CNTN4: variants seen among roughly 807,000 people sequenced by gnomAD.
The protein encoded by CNTN4 is contactin 4, also known as contactin-4.
In CNTN4, 77 loss-of-function variants were observed where a neutral mutation model predicts 122.5. The ratio of observed to expected loss-of-function variants is 0.63; its 90% CI spans 0.52 to 0.76. The LOEUF (loss-of-function observed/expected upper bound fraction) is 0.76. Ranked by LOEUF, CNTN4 falls within the 30% of genes least tolerant of loss-of-function variation. CNTN4 has a pLI of 0.00. For synonymous variants in CNTN4, 512 were observed against 447.0 expected (o/e 1.15, Z -1.83); for missense variants, 1,256 against 1,259.1 (o/e 1.00, Z 0.04).
chr3:2,311,582 CTG>C (rs2042918597), intron 2 of CNTN4, among the ~76,000 whole-genome samples: 1 of 152,006 alleles, frequency 6.6e-6, no homozygotes, highest in African/African-American at 2.4e-5. Flanking sequence ...AGCTGTGCAC[CTG>C]TGAGAACAAA....
intron 2 of CNTN4, among the ~76,000 whole-genome samples, chr3:2,279,978 G>T (rs1575249977): frequency 6.8e-6 from 1 of 147,106 alleles, no homozygotes; most frequent in Non-Finnish European, 1.5e-5. Flanking sequence ...TATAGAGAGA[G>T]AGATAGATAT....
intron 4 of CNTN4, among the ~76,000 whole-genome samples, chr3:2,627,577 T>G (rs900579425): frequency 2.8e-4 from 41 of 145,554 alleles, no homozygotes; most frequent in African/African-American, 8.4e-4. Context: ...CACTGCAAGC[T>G]CCGCCTCCTG....
chr3:2,217,681 A>AC (rs1468492283), intron 2 of CNTN4, among the ~76,000 whole-genome samples: 2 of 81,254 alleles, frequency 2.5e-5, no homozygotes, highest in Non-Finnish European at 5.8e-5. Context: ...AAAGCATTAT[A>AC]AAGAGAGAGA....
intron 4 of CNTN4, among the ~76,000 whole-genome samples, chr3:2,574,919 A>C (rs897456718): frequency 3.3e-5 from 5 of 152,086 alleles, no homozygotes; most frequent in Admixed American, 3.3e-4. Context: ...TTGGTTTTAA[A>C]AGTAAAAATA....
At chr3:3,001,505 C>G (rs1228823115) in intron 14 of CNTN4, among the ~76,000 whole-genome samples, 1 of 152,108 alleles carries the variant, frequency 6.6e-6, no homozygotes, top group East Asian at 1.9e-4. Context: ...TGACTTGAAC[C>G]CACAGACTTG....
At chr3:3,051,711 T>C (rs1394372539) in intron 23 of CNTN4, among the ~76,000 whole-genome samples, 1 of 152,194 alleles carries the variant, frequency 6.6e-6, no homozygotes, top group Non-Finnish European at 1.5e-5. Context: ...TTAAGGAAAT[T>C]GTGTTTTCCA....
chr3:2,890,425 C>T (rs1445732306), intron 10 of CNTN4, among the ~76,000 whole-genome samples: 1 of 152,142 alleles, frequency 6.6e-6, no homozygotes, highest in Non-Finnish European at 1.5e-5. Flanking sequence ...AACATTCTGT[C>T]TTTGTTGACA....
intron 3 of CNTN4, among the ~76,000 whole-genome samples, chr3:2,364,029 T>G (rs76868970): frequency 0.013 from 2,044 of 152,212 alleles, 56 homozygotes; most frequent in African/African-American, 0.047. Flanking sequence ...GTTTCACCCA[T>G]CTGAGAGCTA....
At chr3:2,306,987 A>C (rs1421417113) in intron 2 of CNTN4, among the ~76,000 whole-genome samples, 1 of 152,136 alleles carries the variant, frequency 6.6e-6, no homozygotes, top group Non-Finnish European at 1.5e-5. Context: ...TTTTGCTTGA[A>C]CTTGTTTATT....
intron 4 of CNTN4, among the ~76,000 whole-genome samples, chr3:2,575,740 T>C (rs1311128866): frequency 6.6e-6 from 1 of 152,098 alleles, no homozygotes; most frequent in African/African-American, 2.4e-5. Context: ...CTATGCTTTT[T>C]ATTGCTTGAT....
At chr3:3,016,622 C>A (rs1246277942) in intron 14 of CNTN4, among the ~76,000 whole-genome samples, 1 of 152,096 alleles carries the variant, frequency 6.6e-6, no homozygotes, top group Admixed American at 6.6e-5. Context: ...GGGAGGCAAC[C>A]AAGAGCATTC....
chr3:2,949,128 T>G (rs2094709830), intron 13 of CNTN4, among the ~76,000 whole-genome samples: 2 of 152,138 alleles, frequency 1.3e-5, no homozygotes, highest in Admixed American at 1.3e-4. Flanking sequence ...AGCTCTTTTT[T>G]GCCTCAGGGC....
At chr3:2,573,043 T>G (rs774819770) in intron 4 of CNTN4, among the ~76,000 whole-genome samples, 2 of 152,156 alleles carry the variant, frequency 1.3e-5, no homozygotes, top group African/African-American at 2.4e-5. Context: ...GACTGAAGCA[T>G]CAGGAAGTTA....
intron 2 of CNTN4, among the ~76,000 whole-genome samples, chr3:2,153,530 C>T (rs73095820): frequency 0.17 from 25,752 of 151,956 alleles, 2,529 homozygotes; most frequent in African/African-American, 0.26. Context: ...CGAATATAGG[C>T]GGAGAGCAAC....
chr3:2,444,266 A>C (rs1030746062), intron 3 of CNTN4, among the ~76,000 whole-genome samples: 3 of 152,008 alleles, frequency 2.0e-5, no homozygotes, highest in Non-Finnish European at 4.4e-5. Flanking sequence ...AGGTAATGAA[A>C]AGTGCTATGA....
chr3:2,299,466 C>A (rs1453427800), intron 2 of CNTN4, among the ~76,000 whole-genome samples: 1 of 151,990 alleles, frequency 6.6e-6, no homozygotes, highest in Non-Finnish European at 1.5e-5. Flanking sequence ...ATCCCATACC[C>A]CCACCCTCTT....
intron 3 of CNTN4, among the ~76,000 whole-genome samples, chr3:2,540,296 A>T (rs1469946067): frequency 6.6e-6 from 1 of 152,000 alleles, no homozygotes; most frequent in Non-Finnish European, 1.5e-5. Context: ...AGGTTTGGTT[A>T]CGTGGGATTG....
intron 3 of CNTN4, among the ~76,000 whole-genome samples, chr3:2,474,395 G>T (rs536930484): frequency 1.3e-5 from 2 of 152,016 alleles, no homozygotes; most frequent in African/African-American, 4.8e-5. Context: ...GAATAAACAG[G>T]CACACCTAAT....
At chr3:2,595,638 G>T (rs1482115575) in intron 4 of CNTN4, among the ~76,000 whole-genome samples, 1 of 152,148 alleles carries the variant, frequency 6.6e-6, no homozygotes, top group Non-Finnish European at 1.5e-5. Context: ...AGTATCCCTT[G>T]TGTGGAGGTG....
Sources: allele counts gnomAD v4.1 joint callset (sites outside exome capture counted in the v4.1 genomes callset), GRCh38; gene constraint gnomAD v4.1.1; transcripts MANE v1.5; gene names NCBI Gene and HGNC (gene_info 2026-07-23, HGNC 2026-07-21).